The following EEF2K variants were observed in gnomAD, a reference collection of about 807,000 sequenced individuals.
EEF2K encodes the protein alternative protein EEF2K.
In EEF2K, 70 loss-of-function variants were observed where a neutral mutation model predicts 93.8. That is an observed-to-expected ratio of 0.75 (90% confidence interval 0.62 to 0.91). EEF2K has a LOEUF of 0.91. EEF2K is among the 40% of genes least tolerant of loss of function. EEF2K has a pLI of 0.00. For synonymous variants in EEF2K, 376 were observed against 380.8 expected (o/e 0.99, Z 0.15); for missense variants, 935 against 972.9 (o/e 0.96, Z 0.52).
intron 12 of EEF2K, among the ~76,000 whole-genome samples, chr16:22,264,289 C>CAA (rs59993193): frequency 1.3e-3 from 52 of 39,912 alleles, no homozygotes; most frequent in Non-Finnish European, 1.7e-3. Flanking sequence ...GAGACTGTCT[C>CAA]AAAAAAAAAA....
chr16:22,243,998 C>T (rs1433089600), intron 2 of EEF2K, among the ~76,000 whole-genome samples: 3 of 150,034 alleles, frequency 2.0e-5, no homozygotes, highest in African/African-American at 4.9e-5. Flanking sequence ...GAGGCCAAGG[C>T]GGGTGGATCA....
At chr16:22,274,617 T>A (rs919005755) in intron 16 of EEF2K, among the ~76,000 whole-genome samples, 1 of 152,004 alleles carries the variant, frequency 6.6e-6, no homozygotes, top group Non-Finnish European at 1.5e-5. Context: ...TACTTATTAT[T>A]ATATTTTAGA....
rs2141693506 is a variant in EEF2K at position 22,285,694 on chromosome 16, C to T, written c.*1698C>T. ...AAAAAGACAGACTGCTTTGATCAAC[C>T]CTAAATGCAAAAGCAGCCTATTTTT... On this transcript the variant is annotated 3_prime_UTR_variant, in exon 18 of 18. Transcript: ENST00000263026. 1 of 152,620 alleles carries T rather than the reference C, an allele frequency of 6.6e-6. No homozygotes were observed. Among genetic ancestry groups the T allele is most frequent in the Non-Finnish European group, 1.5e-5 (1 of 68,008 alleles). 9.5% of individuals were successfully genotyped at this position (152,620 alleles called of 1,614,324 possible). A position where few individuals can be genotyped will look rare whatever the true frequency, so the allele number is the denominator to read the frequency against.
intron 1 of EEF2K, among the ~76,000 whole-genome samples, chr16:22,214,016 G>A (rs764534292): frequency 6.6e-6 from 1 of 152,228 alleles, no homozygotes; most frequent in Non-Finnish European, 1.5e-5. Context: ...GTTTCTGCCT[G>A]CCGCAGACAG....
chr16:22,251,002 TG>T, intron 5 of EEF2K, 148 bp from the exon 6 acceptor site: 1 of 937,060 alleles, frequency 1.1e-6, no homozygotes, highest in Non-Finnish European at 1.6e-6. Context: ...TGCAGAGGGG[TG>T]GGGACGTCCT....
At position 22,280,333 on chromosome 16, in the gene EEF2K, G is replaced by T. The variant is rs1222558124; in HGVS notation, c.2025G>T (p.Leu675=). ...YMMLAREAEM[L]FTGGYGLEKD... ...TGCTGGCCAGGGAGGCCGAGATGCT[G>T]TTCACAGGAGGCTACGGGCTGGAGA... Residue 675 remains leucine (L), a synonymous_variant, in exon 17 of 18, where the codon CTG becomes CTT. Transcript: ENST00000263026. 6.2e-7 allele frequency: 1 copy of T among 1,602,544 alleles called. No individual in the cohort carries two copies. Among genetic ancestry groups the T allele is most frequent in the Admixed American group, 1.7e-5 (1 of 58,522 alleles).
intron 15 of EEF2K, among the ~76,000 whole-genome samples, chr16:22,267,547 A>G (rs1297110334): frequency 6.6e-6 from 1 of 151,800 alleles, no homozygotes; most frequent in African/African-American, 2.4e-5. Context: ...GTGAGCTGAG[A>G]TCACACTACT....
chr16:22,220,682 C>T (rs1006826185), intron 1 of EEF2K, among the ~76,000 whole-genome samples: 19 of 152,184 alleles, frequency 1.2e-4, no homozygotes, highest in African/African-American at 4.8e-5. Flanking sequence ...TGAGCTCAAG[C>T]GATCTGCCCA....
Position 22,266,869 on chromosome 16 carries a change from C to T in EEF2K, c.1757C>T (p.Ser586Phe), listed in dbSNP as rs750187322. ...CCTCATCACATCCTAGCCGATGTCTCTCTGAAGGTGAGCAGGTGGCGGGGA... is the reference window on the plus strand; with the variant it reads ...CCTCATCACATCCTAGCCGATGTCTTTCTGAAGGTGAGCAGGTGGCGGGGA... Reference protein sequence around the residue: ...QLPHHILADVSLKETEENKTK... With the variant: ...QLPHHILADVFLKETEENKTK... Residue 586 changes from serine (S) to phenylalanine (F), a missense_variant, in exon 15 of 18, where the codon TCT becomes TTT. Ser to Phe is a radical substitution (Grantham distance 155). Coordinates refer to ENST00000263026, the MANE Select transcript of EEF2K (RefSeq NM_013302.5). 1 of 1,603,776 alleles carries T rather than the reference C, an allele frequency of 6.2e-7. No individual in the cohort carries two copies. The highest frequency in any genetic ancestry group is 1.7e-5 in the Admixed American group (1 of 59,362).
At chr16:22,219,814 G>T (rs765282013) in intron 1 of EEF2K, among the ~76,000 whole-genome samples, 9 of 152,148 alleles carry the variant, frequency 5.9e-5, no homozygotes, top group Non-Finnish European at 1.3e-4. Context: ...TGGTATAAGA[G>T]ACCCAGGTTC....
chr16:22,266,817 G>A lies in EEF2K; in HGVS notation c.1705G>A (p.Gly569Ser). 6.2e-7 allele frequency: 1 copy of A among 1,614,136 alleles called. No individual in the cohort carries two copies. Among genetic ancestry groups the A allele is most frequent in the Non-Finnish European group, 8.5e-7 (1 of 1,180,012 alleles). The change falls in exon 15 of 18, where the codon GGC becomes AGC. Residue 569 changes from glycine to serine, a missense_variant. Transcript: ENST00000263026. ...ANLGELEAIV[G>S]LGLMYSQLPH... ...CCTGGGCGAGCTGGAGGCCATCGTG[G>A]GCCTGGGACTCATGTACTCGCAGTT...
intron 16 of EEF2K, among the ~76,000 whole-genome samples, chr16:22,275,015 C>T (rs1179924881): frequency 6.6e-6 from 1 of 152,224 alleles, no homozygotes; most frequent in East Asian, 1.9e-4. Context: ...TACATCTTCT[C>T]ACCCCTCCTC....
At chr16:22,267,788 G>A (rs768448397) in intron 15 of EEF2K, among the ~76,000 whole-genome samples, 27 of 152,276 alleles carry the variant, frequency 1.8e-4, no homozygotes, top group South Asian at 1.2e-3. Context: ...TGAAGCAGCA[G>A]GGTGTGGACC....
chr16:22,239,655 T>A (rs1235074500), intron 2 of EEF2K, among the ~76,000 whole-genome samples: 1 of 151,806 alleles, frequency 6.6e-6, no homozygotes, highest in East Asian at 1.9e-4. Context: ...TACAGAAATT[T>A]AAAAAATTAG....
intron 2 of EEF2K, among the ~76,000 whole-genome samples, chr16:22,229,884 A>G (rs905104182): frequency 2.6e-5 from 4 of 152,250 alleles, no homozygotes; most frequent in South Asian, 2.1e-4. Flanking sequence ...ATAATCTTCC[A>G]TAACTTCTGA....
rs144592275 is a variant in EEF2K at position 22,258,676 on chromosome 16, C to T, written c.1212C>T (p.Ser404=). 71 of 1,614,164 alleles carry T rather than the reference C, an allele frequency of 4.4e-5. No homozygotes were observed. The African/African-American group carries it at 8.8e-4, about 20-fold the overall frequency. The change falls in exon 10 of 18, where the codon AGC becomes AGT. Residue 404 remains serine, a synonymous_variant. Coordinates refer to ENST00000263026, the MANE Select transcript of EEF2K (RefSeq NM_013302.5). ...PSSPSSATPH[S]QKLDHLHWPV... ...CCCCATCTTCGGCCACACCACACAGCCAGAAGCTAGACCACCTCCGTGAGT... is the reference window on the plus strand; with the variant it reads ...CCCCATCTTCGGCCACACCACACAGTCAGAAGCTAGACCACCTCCGTGAGT...
intron 8 of EEF2K, 47 bp from the exon 9 acceptor site, chr16:22,257,596 C>A (rs369650603): frequency 6.3e-7 from 1 of 1,599,960 alleles, no homozygotes; most frequent in Non-Finnish European, 8.5e-7. Flanking sequence ...GCCTGTCCCC[C>A]GTCACAGAGC....
chr16:22,262,441 T>A (rs922941192), intron 11 of EEF2K, among the ~76,000 whole-genome samples: 2 of 151,878 alleles, frequency 1.3e-5, no homozygotes, highest in African/African-American at 4.8e-5. Flanking sequence ...GCTCAAGAGG[T>A]AGAGGTTGCA....
intron 1 of EEF2K, among the ~76,000 whole-genome samples, chr16:22,215,753 CGT>C (rs1357931767): frequency 6.6e-6 from 1 of 151,972 alleles, no homozygotes; most frequent in Non-Finnish European, 1.5e-5. Context: ...GGTGAAACCC[CGT>C]CTCTACTAAA....
Sources: allele counts gnomAD v4.1 joint callset (sites outside exome capture counted in the v4.1 genomes callset), GRCh38; gene constraint gnomAD v4.1.1; transcripts MANE v1.5; gene names NCBI Gene and HGNC (gene_info 2026-07-23, HGNC 2026-07-21).